The following WDR33 variants were observed in gnomAD, a reference collection of about 807,000 sequenced individuals.
WDR33 encodes the protein WD repeat domain 33, also known as pre-mRNA 3' end processing protein WDR33.
Under a neutral mutation model 164.9 loss-of-function variants are expected in WDR33, and 47 were observed. The ratio of observed to expected loss-of-function variants is 0.29; its 90% CI spans 0.23 to 0.36. WDR33 has a LOEUF of 0.36. Ranked by LOEUF, WDR33 falls within the 10% of genes least tolerant of loss-of-function variation. The probability of loss-of-function intolerance (pLI) is 1.00; values close to 1 mark genes in which losing one functional copy is unlikely to be tolerated. For synonymous variants in WDR33, 505 were observed against 589.0 expected (o/e 0.86, Z 2.06); for missense variants, 1,137 against 1,754.1 (o/e 0.65, Z 6.28).
Position 127,721,629 on chromosome 2 carries a change from A to C in WDR33, c.1671+207T>G, listed in dbSNP as rs187612581. 6.6e-6 allele frequency among the ~76,000 whole-genome samples: 1 copy of C among 152,224 alleles called. No homozygotes were observed. Among genetic ancestry groups the C allele is most frequent in the African/African-American group, 2.4e-5 (1 of 41,456 alleles). ...CTCTGTCTCTAAAATAAAATAAATA[A>C]AACAAAATACATAAATAACACATTT... On this transcript the variant is annotated intron_variant, in intron 15 of 21. Coordinates refer to ENST00000322313, the MANE Select transcript of WDR33 (RefSeq NM_018383.5). The surrounding 1 kb of genome is among the most constrained non-coding windows in gnomAD (Gnocchi z 4.9).
At chr2:127,762,952 T>G in intron 7 of WDR33, 110 bp downstream of exon 7, 1 of 1,543,932 alleles carries the variant, frequency 6.5e-7, no homozygotes, top group South Asian at 1.2e-5. Flanking sequence ...GGTGTGTATA[T>G]GTAAAAAAAA....
At position 127,723,503 on chromosome 2, in the gene WDR33, G is replaced by A. The variant is rs1462815350; in HGVS notation, c.1197-156C>T. Among the ~76,000 whole-genome samples the A allele has an allele frequency of 6.6e-6, 1 of 152,196 alleles. No individual in the cohort carries two copies. The highest frequency in any genetic ancestry group is 1.5e-5 in the Non-Finnish European group (1 of 68,038). ...AGGTCATACACTTTGGCTCACATCT[G>A]TAATCCCAGCACTTTGGGAGGCTGT... On this transcript the variant is annotated intron_variant, in intron 11 of 21. Transcript: ENST00000322313. This position sits in a 1 kb window ranked among gnomAD's most constrained non-coding sequence, Gnocchi z 5.9.
At chr2:127,733,644 T>A (rs919198557) in intron 7 of WDR33, among the ~76,000 whole-genome samples, 1 of 152,100 alleles carries the variant, frequency 6.6e-6, no homozygotes, top group Non-Finnish European at 1.5e-5. Context: ...GGCTTAATAG[T>A]CACACGTGAC....
In WDR33 at chr2:127,763,368, AATC is replaced by A; in HGVS notation, c.627-212_627-210del. 7.2e-7 allele frequency: 1 copy of A among 1,390,134 alleles called. No homozygotes were observed. The highest frequency in any genetic ancestry group is 2.7e-5 in the East Asian group (1 of 36,608). The allele number at this position is 1,390,134 out of a possible 1,614,324, so 86.1% of individuals were successfully genotyped here. On this transcript the variant is annotated intron_variant, in intron 6 of 21. Coordinates refer to ENST00000322313, the MANE Select transcript of WDR33 (RefSeq NM_018383.5). The surrounding 1 kb of genome is among the most constrained non-coding windows in gnomAD (Gnocchi z 4.5). Reference sequence around the variant, plus strand: ...CAACAGAGCAGTTGTTTGAGTTTTCAATCATCAGTATTCTGAGAACTTCAAGTG... The same window carrying A: ...CAACAGAGCAGTTGTTTGAGTTTTCAATCAGTATTCTGAGAACTTCAAGTG...
In WDR33 at chr2:127,703,997, T is replaced by G. The variant is rs202129381; in HGVS notation, c.*2326A>C. Reference sequence around the variant, plus strand: ...TTTGCCAGATATGGTGGCACACAACTGTGATCCCAGCTACTTGGGGTGGGG... The same window carrying G: ...TTTGCCAGATATGGTGGCACACAACGGTGATCCCAGCTACTTGGGGTGGGG... On this transcript the variant is annotated 3_prime_UTR_variant, in exon 22 of 22. Coordinates refer to ENST00000322313, the MANE Select transcript of WDR33 (RefSeq NM_018383.5). 1.1e-4 allele frequency: 19 copies of G among 166,748 alleles called. No individual in the cohort carries two copies. In the East Asian group the frequency reaches 3.7e-3, roughly 32 times the overall value. 10.3% of individuals were successfully genotyped at this position (166,748 alleles called of 1,614,324 possible). A position where few individuals can be genotyped will look rare whatever the true frequency, so the allele number is the denominator to read the frequency against.
intron 7 of WDR33, among the ~76,000 whole-genome samples, chr2:127,761,026 A>G (rs371572590): frequency 2.0e-5 from 3 of 152,200 alleles, no homozygotes; most frequent in Non-Finnish European, 2.9e-5. Context: ...ATTTCAAAGG[A>G]AAGTTCTTAA....
chr2:127,701,909 G>C lies in WDR33; in HGVS notation c.*4414C>G. ...CGTTGGCGGGAAGCGCGCTGCTGCGGGGCGGCGCGGCGTGCGGACGCCTGC... is the reference window on the plus strand; with the variant it reads ...CGTTGGCGGGAAGCGCGCTGCTGCGCGGCGGCGCGGCGTGCGGACGCCTGC... On this transcript the variant is annotated 3_prime_UTR_variant, in exon 22 of 22. Coordinates refer to ENST00000322313, the MANE Select transcript of WDR33 (RefSeq NM_018383.5). 1 of 1,450,048 alleles carries C rather than the reference G, an allele frequency of 6.9e-7. No homozygotes were observed. Among genetic ancestry groups the C allele is most frequent in the Non-Finnish European group, 9.0e-7 (1 of 1,107,772 alleles). The allele number at this position is 1,450,048 out of a possible 1,614,324, so 89.8% of individuals were successfully genotyped here. A position where few individuals can be genotyped will look rare whatever the true frequency, so the allele number is the denominator to read the frequency against.
intron 1 of WDR33, among the ~76,000 whole-genome samples, chr2:127,782,822 A>G (rs535003631): frequency 6.6e-6 from 1 of 152,326 alleles, no homozygotes; most frequent in East Asian, 1.9e-4. Context: ...ATCCTGGCTA[A>G]CATGGTGAAA....
At chr2:127,729,662 ATTGT>A (rs1290953623) in intron 7 of WDR33, among the ~76,000 whole-genome samples, 1 of 151,954 alleles carries the variant, frequency 6.6e-6, no homozygotes, top group East Asian at 1.9e-4. Flanking sequence ...CGCCCGGCTA[ATTGT>A]TTGTATTTTT....
At chr2:127,729,488 G>A (rs1686649915) in intron 7 of WDR33, among the ~76,000 whole-genome samples, 1 of 151,448 alleles carries the variant, frequency 6.6e-6, no homozygotes, top group East Asian at 1.9e-4. Context: ...AACAGGGAGA[G>A]ACTATTCTTT....
chr2:127,778,387 AGATCATGCCACT>A (rs1373147899), intron 1 of WDR33, among the ~76,000 whole-genome samples: 1 of 151,942 alleles, frequency 6.6e-6, no homozygotes, highest in Non-Finnish European at 1.5e-5. Context: ...CAATGAGCCA[AGATCATGCCACT>A]GAACTCTAGC....
At chr2:127,798,147 C>T (rs1255122592) in intron 1 of WDR33, among the ~76,000 whole-genome samples, 5 of 151,910 alleles carry the variant, frequency 3.3e-5, no homozygotes, top group Admixed American at 1.3e-4. Context: ...GCAGGTGGAT[C>T]ACCTGAGATC....
At chr2:127,753,548 C>T (rs1687433592) in intron 7 of WDR33, among the ~76,000 whole-genome samples, 1 of 152,088 alleles carries the variant, frequency 6.6e-6, no homozygotes. Flanking sequence ...TGTAACTTGC[C>T]CCAGTGTCAC....
chr2:127,791,647 CT>C (rs1411177116), intron 1 of WDR33, among the ~76,000 whole-genome samples: 34 of 152,144 alleles, frequency 2.2e-4, no homozygotes. Flanking sequence ...GGGGTTACTA[CT>C]TCAGCATATA....
chr2:127,706,349 A>C lies in WDR33; in HGVS notation c.3985T>G (p.Ser1329Ala). The C allele has an allele frequency of 6.3e-7, 1 of 1,588,576 alleles. No individual in the cohort carries two copies. The highest frequency in any genetic ancestry group is 8.6e-7 in the Non-Finnish European group (1 of 1,166,962). Residue 1329 changes from serine (S) to alanine (A), a missense_variant, in exon 22 of 22, where the codon TCA (serine) becomes GCA (alanine). Physicochemically the swap from Ser to Ala is moderately conservative, Grantham distance 99 (BLOSUM62 1). Transcript: ENST00000322313. This position sits in a 1 kb window ranked among gnomAD's most constrained non-coding sequence, Gnocchi z 5.1. ...TACCGACCCCTTCCACCACCCCGTG[A>C]AGCTCCTCGCCTCGGCGGGCCAGAG... ...MNSGPPRRGA[S>A]RGGGRGR
chr2:127,706,134 G>C lies in WDR33; in HGVS notation c.*189C>G, dbSNP rs950639740. ...GGGCAATGAGGGTGGACAGGACAGGGCCAGCCAGGCTGGTAGCTGGCAGCA... is the reference window on the plus strand; with the variant it reads ...GGGCAATGAGGGTGGACAGGACAGGCCCAGCCAGGCTGGTAGCTGGCAGCA... On this transcript the variant is annotated 3_prime_UTR_variant, in exon 22 of 22. Coordinates refer to ENST00000322313, the MANE Select transcript of WDR33 (RefSeq NM_018383.5). This position sits in a 1 kb window ranked among gnomAD's most constrained non-coding sequence, Gnocchi z 5.1. 1 of 447,052 alleles carries C rather than the reference G, an allele frequency of 2.2e-6. No individual in the cohort carries two copies. Among genetic ancestry groups the C allele is most frequent in the East Asian group, 3.5e-5 (1 of 28,626 alleles). 27.7% of individuals were successfully genotyped at this position (447,052 alleles called of 1,614,324 possible).
At chr2:127,790,909 C>T (rs1397039080) in intron 1 of WDR33, among the ~76,000 whole-genome samples, 3 of 152,054 alleles carry the variant, frequency 2.0e-5, no homozygotes, top group South Asian at 2.1e-4. Flanking sequence ...GAATTGTTCA[C>T]GATATTCCCT....
chr2:127,742,940 T>C (rs990446592), intron 7 of WDR33, among the ~76,000 whole-genome samples: 1 of 149,878 alleles, frequency 6.7e-6, no homozygotes, highest in African/African-American at 2.5e-5. Context: ...AGTCAAGATA[T>C]ATATAAAATA....
intron 1 of WDR33, among the ~76,000 whole-genome samples, chr2:127,807,017 T>G (rs540117754): frequency 1.3e-5 from 2 of 152,340 alleles, no homozygotes; most frequent in South Asian, 4.1e-4. Context: ...TGAAATTTTT[T>G]TTTTTAAGAC....
Sources: gnomAD v4.1 joint callset for allele counts (sites outside exome capture counted in the v4.1 genomes callset) on GRCh38, gnomAD v4.1.1 for gene constraint, Gnocchi (gnomAD v3.1) non-coding constraint, MANE v1.5 for transcripts, NCBI Gene and HGNC (gene_info 2026-07-23, HGNC 2026-07-21) for gene names.